MAP3K7: variants seen among roughly 807,000 people sequenced by gnomAD.
MAP3K7 encodes the protein mitogen-activated protein kinase kinase kinase 7.
A neutral mutation model predicts 84.8 loss-of-function variants in MAP3K7; 21 were observed. That is an observed-to-expected ratio of 0.25 (90% CI 0.18 to 0.36). MAP3K7 has a LOEUF of 0.36. Ranked by LOEUF, MAP3K7 falls within the 10% of genes least tolerant of loss-of-function variation. The pLI is 1.00. For synonymous variants in MAP3K7, 241 were observed against 247.7 expected, an observed-to-expected ratio of 0.97 and a Z score of 0.25; for missense variants, 503 against 747.7, an observed-to-expected ratio of 0.67 and a Z score of 3.82.
intron 11 of MAP3K7, among the ~76,000 whole-genome samples, chr6:90,545,650 G>A (rs1418037242): frequency 6.6e-6 from 1 of 152,040 alleles, no homozygotes. Context: ...GTCAGTGGCT[G>A]GTGACTTCTA....
intron 9 of MAP3K7, among the ~76,000 whole-genome samples, chr6:90,548,474 G>A (rs911756147): frequency 6.6e-6 from 1 of 152,148 alleles, no homozygotes; most frequent in Non-Finnish European, 1.5e-5. Context: ...AAGACTAAAG[G>A]AAGAGTGAGT....
At chr6:90,520,256 TGG>T (rs931259533) in intron 14 of MAP3K7, among the ~76,000 whole-genome samples, 2 of 151,062 alleles carry the variant, frequency 1.3e-5, no homozygotes, top group African/African-American at 4.9e-5. Context: ...CTTGAAGGAG[TGG>T]TGTGGATAAA....
At chr6:90,542,401 GAAT>G in intron 12 of MAP3K7, 2 of 982,028 alleles carry the variant, frequency 2.0e-6, no homozygotes, top group Non-Finnish European at 2.4e-6. Flanking sequence ...AGGTATTACT[GAAT>G]AATATTTTCA....
chr6:90,558,793 CAATAACT>C (rs755646802), intron 5 of MAP3K7, among the ~76,000 whole-genome samples: 1 of 152,144 alleles, frequency 6.6e-6, no homozygotes, highest in Non-Finnish European at 1.5e-5. Flanking sequence ...ATATATTGTT[CAATAACT>C]AATCATTTAT....
rs1777484408 is a variant in MAP3K7, at chr6:90,586,945, C to T, written c.-62G>A. The T allele has an allele frequency of 6.7e-7, 1 of 1,490,400 alleles. No homozygotes were observed. Among genetic ancestry groups the T allele is most frequent in the Non-Finnish European group, 8.9e-7 (1 of 1,128,098 alleles). The allele number at this position is 1,490,400 out of a possible 1,614,324, so 92.3% of individuals were successfully genotyped here. Reference sequence around the variant, plus strand: ...CCACCCGGACAATCCGGGTGAGACCCGCGCCCACCCGCCTCCGGACCGACC... The same window carrying T: ...CCACCCGGACAATCCGGGTGAGACCTGCGCCCACCCGCCTCCGGACCGACC... On this transcript the variant is annotated 5_prime_UTR_variant, in exon 1 of 17. Transcript: ENST00000369329.
At chr6:90,523,569 A>G (rs1775222696) in intron 14 of MAP3K7, 109 bp downstream of exon 14, 1 of 599,538 alleles carries the variant, frequency 1.7e-6, no homozygotes, top group Admixed American at 2.8e-5. Flanking sequence ...ATAAAAATCT[A>G]AACAACAGTA....
intron 4 of MAP3K7, among the ~76,000 whole-genome samples, chr6:90,561,098 T>C (rs990648234): frequency 4.6e-5 from 7 of 152,142 alleles, no homozygotes; most frequent in Admixed American, 4.6e-4. Context: ...ATATAACTGG[T>C]GCTACAAGAG....
intron 1 of MAP3K7, among the ~76,000 whole-genome samples, chr6:90,582,131 C>A (rs965996496): frequency 6.6e-6 from 1 of 152,116 alleles, no homozygotes; most frequent in African/African-American, 2.4e-5. Context: ...ACCTACCATA[C>A]GTGGCTTACT....
chr6:90,577,159 T>C (rs1008005679), intron 1 of MAP3K7, among the ~76,000 whole-genome samples: 4 of 152,066 alleles, frequency 2.6e-5, no homozygotes, highest in Non-Finnish European at 5.9e-5. Context: ...CTGGGAAATG[T>C]TTTAGAAGTA....
chr6:90,514,668 T>C lies in MAP3K7; in HGVS notation c.*1833A>G, dbSNP rs1268877769. ...TTAGCATTCACGCTTGGATATCTCG[T>C]GCTGAGATAAAAGGCCTCTTTAAAG... On this transcript the variant is annotated 3_prime_UTR_variant, in exon 17 of 17. Coordinates refer to ENST00000369329, the MANE Select transcript of MAP3K7 (RefSeq NM_145331.3). 6.6e-6 allele frequency: 1 copy of C among 152,008 alleles called. No individual in the cohort carries two copies. The highest frequency in any genetic ancestry group is 2.4e-5 in the African/African-American group (1 of 41,430). 9.4% of individuals were successfully genotyped at this position (152,008 alleles called of 1,614,324 possible).
At chr6:90,567,365 A>G (rs1336756445) in intron 3 of MAP3K7, among the ~76,000 whole-genome samples, 3 of 152,242 alleles carry the variant, frequency 2.0e-5, no homozygotes, top group African/African-American at 7.2e-5. Flanking sequence ...ACAAATTTAC[A>G]AGAAAAAATC....
chr6:90,526,785 G>A (rs1014685568), intron 13 of MAP3K7, among the ~76,000 whole-genome samples: 2 of 151,920 alleles, frequency 1.3e-5, no homozygotes, highest in Non-Finnish European at 2.9e-5. Flanking sequence ...AAGCACAGAG[G>A]AGGGTTTTAC....
intron 14 of MAP3K7, among the ~76,000 whole-genome samples, chr6:90,520,534 C>T (rs34263318): frequency 4.6e-5 from 7 of 151,738 alleles, no homozygotes; most frequent in South Asian, 4.2e-4. Flanking sequence ...CAATACATGA[C>T]GGTAGTTATC....
chr6:90,531,987 A>G (rs986891410), intron 13 of MAP3K7, among the ~76,000 whole-genome samples: 4 of 151,528 alleles, frequency 2.6e-5, no homozygotes, highest in Non-Finnish European at 4.4e-5. Flanking sequence ...AAACGTGTCT[A>G]TTCTCCAATA....
intron 4 of MAP3K7, 143 bp from the exon 5 acceptor site, chr6:90,560,357 CTTTCTTT>C (rs1339231211): frequency 2.2e-6 from 2 of 889,486 alleles, no homozygotes; most frequent in Admixed American, 3.0e-5. Context: ...TAATTTTTTA[CTTTCTTT>C]TTTCTTTTTG....
intron 13 of MAP3K7, among the ~76,000 whole-genome samples, chr6:90,527,645 G>A (rs1023899397): frequency 7.9e-5 from 12 of 152,120 alleles, no homozygotes; most frequent in Non-Finnish European, 1.8e-4. Context: ...GGCACTGAGG[G>A]TTGGTGGGGA....
chr6:90,536,364 C>G lies in MAP3K7; in HGVS notation c.1329G>C (p.Leu443Phe). Residue 443 changes from leucine to phenylalanine, a missense_variant, in exon 13 of 17, where the codon TTG becomes TTC. Around this residue, in one of 5 missense-constraint regions of MAP3K7, gnomAD observed 286 missense variants for 313.6 expected, o/e 0.91. Coordinates refer to ENST00000369329, the MANE Select transcript of MAP3K7 (RefSeq NM_145331.3). Reference protein sequence around the residue: ...GQPRRRSIQDLTVTGTEPGQV... With the variant: ...GQPRRRSIQDFTVTGTEPGQV... Reference sequence around the variant, plus strand: ...GACCAGGTTCTGTTCCAGTTACAGTCAAGTCTTGGATGGATCTACGTCTTG... The same window carrying G: ...GACCAGGTTCTGTTCCAGTTACAGTGAAGTCTTGGATGGATCTACGTCTTG... 1 of 1,612,232 alleles carries G rather than the reference C, an allele frequency of 6.2e-7. No individual in the cohort carries two copies. The highest frequency in any genetic ancestry group is 1.7e-4 in the Middle Eastern group (1 of 6,052).
chr6:90,585,051 T>TA (rs1022699674), intron 1 of MAP3K7, among the ~76,000 whole-genome samples: 4 of 152,200 alleles, frequency 2.6e-5, no homozygotes, highest in African/African-American at 7.2e-5. Context: ...GGTTTCCTAA[T>TA]ATGTGTCAGG....
intron 1 of MAP3K7, among the ~76,000 whole-genome samples, chr6:90,578,398 C>T (rs1225261197): frequency 1.3e-5 from 2 of 152,014 alleles, no homozygotes; most frequent in Non-Finnish European, 2.9e-5. Flanking sequence ...TCAGCCACCC[C>T]AAAGTAGCTG....
Sources: allele counts gnomAD v4.1 joint callset (sites outside exome capture counted in the v4.1 genomes callset), GRCh38; gene constraint gnomAD v4.1.1; regional missense constraint gnomAD v4.1.1; transcripts MANE v1.5; gene names NCBI Gene and HGNC (gene_info 2026-07-23, HGNC 2026-07-21).